The following PON3 variants were observed in gnomAD, a reference collection of about 807,000 sequenced individuals.
The protein encoded by PON3 is serum paraoxonase/lactonase 3.
In PON3, 37 loss-of-function variants were observed where a neutral mutation model predicts 36.3. The observed-to-expected ratio is 1.02, with a 90% confidence interval of 0.78 to 1.34. The LOEUF (loss-of-function observed/expected upper bound fraction) is 1.34. Among genes scored for constraint, PON3 ranks in the 40% most tolerant of loss-of-function variants. PON3 has a pLI of 0.00. For missense variants in PON3, 415 were observed against 426.5 expected, an observed-to-expected ratio of 0.97 and a Z score of 0.24; for synonymous variants, 155 against 154.8, an observed-to-expected ratio of 1.00 and a Z score of -0.01.
chr7:95,367,603 C>G, intron 4 of PON3, 115 bp from the exon 5 acceptor site: 1 of 1,062,160 alleles, frequency 9.4e-7, no homozygotes, highest in Non-Finnish European at 1.4e-6. Context: ...TTGCATTTTA[C>G]CCTCACAGTC....
intron 3 of PON3, among the ~76,000 whole-genome samples, chr7:95,378,041 A>T (rs144477427): frequency 6.6e-6 from 1 of 152,330 alleles, no homozygotes; most frequent in East Asian, 1.9e-4. Context: ...AACTAGAATA[A>T]GCAGTGTAGA....
At chr7:95,387,373 C>T (rs1366861799) in intron 3 of PON3, among the ~76,000 whole-genome samples, 1 of 152,148 alleles carries the variant, frequency 6.6e-6, no homozygotes, top group Non-Finnish European at 1.5e-5. Context: ...AGTGAACTCC[C>T]ATTCACAATT....
At chr7:95,383,995 C>A (rs975016533) in intron 3 of PON3, among the ~76,000 whole-genome samples, 2 of 152,072 alleles carry the variant, frequency 1.3e-5, no homozygotes, top group African/African-American at 4.8e-5. Flanking sequence ...GGTACTGGTA[C>A]CAAAACAGAT....
chr7:95,362,811 CTT>C lies in PON3; in HGVS notation c.724_725del (p.Lys242GlufsTer9). 1 of 1,611,920 alleles carries C rather than the reference CTT, an allele frequency of 6.2e-7. No individual in the cohort carries two copies. The highest frequency in any genetic ancestry group is 8.5e-7 in the Non-Finnish European group (1 of 1,178,226). The part of the protein sequence containing the change: ...KYVYVADVAA[K>X]NIHIMEKHDN... ...CATGTTTTTCCATTATGTGAATGTT[CTT>C]AGCTGCTACATCAGCTACATAGACA... On this transcript the variant is annotated frameshift_variant, in exon 7 of 9. Coordinates refer to ENST00000265627, the MANE Select transcript of PON3 (RefSeq NM_000940.3). LOFTEE classifies it high-confidence loss of function.
At chr7:95,388,902 A>C (rs1327395940) in intron 3 of PON3, among the ~76,000 whole-genome samples, 2 of 152,092 alleles carry the variant, frequency 1.3e-5, no homozygotes, top group Non-Finnish European at 2.9e-5. Context: ...GAACACATAA[A>C]CACAGGGCAG....
In PON3 at chr7:95,372,181, A is replaced by T; in HGVS notation, c.359T>A (p.Ile120Asn). Reference sequence around the variant, plus strand: ...AAACATACAGGTTTTACCTTTGTCGATGAAAATACTGATCCCATGTGGATT... The same window carrying T: ...AAACATACAGGTTTTACCTTTGTCGTTGAAAATACTGATCCCATGTGGATT... ...LFNPHGISIFIDKDNTVYLYV... is the reference protein window; with the variant it reads ...LFNPHGISIFNDKDNTVYLYV... Residue 120 changes from isoleucine to asparagine, a missense_variant, in exon 4 of 9, where the codon ATC becomes AAC. Physicochemically the swap from Ile to Asn is moderately radical, Grantham distance 149. Transcript: ENST00000265627. 1 of 1,613,512 alleles carries T rather than the reference A, an allele frequency of 6.2e-7. No homozygotes were observed. The highest frequency in any genetic ancestry group is 8.5e-7 in the Non-Finnish European group (1 of 1,179,522).
At chr7:95,394,612 G>A in intron 2 of PON3, 32 bp downstream of exon 2, 2 of 1,586,476 alleles carry the variant, frequency 1.3e-6, no homozygotes, top group Non-Finnish European at 1.7e-6. Context: ...AAGAAGCTGT[G>A]CTGGCTCCTC....
chr7:95,377,756 CA>C, intron 3 of PON3: 1 of 164,744 alleles, frequency 6.1e-6, no homozygotes, highest in South Asian at 1.2e-4. Flanking sequence ...ACATCTACAC[CA>C]AAACCCCATC....
At position 95,372,287 on chromosome 7, in the gene PON3, T is replaced by C. The variant is rs1808825059; in HGVS notation, c.253A>G (p.Ile85Val). ...TGTTCATTCAGATCCATCAAGAAGA[T>C]TTTTCCTGGTTCATCTGGCGCAAAG... is the stretch of plus-strand genomic sequence containing the variant. Reference protein sequence around the residue: ...PNFAPDEPGKIFLMDLNEQNP... With the variant: ...PNFAPDEPGKVFLMDLNEQNP... Residue 85 changes from isoleucine to valine, a missense_variant, in exon 4 of 9, where the codon ATC becomes GTC. By Grantham distance (29) the Ile-to-Val change is conservative (BLOSUM62 3). Coordinates refer to ENST00000265627, the MANE Select transcript of PON3 (RefSeq NM_000940.3). 5.6e-6 allele frequency: 9 copies of C among 1,613,814 alleles called. No individual in the cohort carries two copies. Among genetic ancestry groups the C allele is most frequent in the Non-Finnish European group, 6.8e-6 (8 of 1,179,894 alleles).
chr7:95,373,153 C>G (rs1360254793), intron 3 of PON3, among the ~76,000 whole-genome samples: 2 of 152,152 alleles, frequency 1.3e-5, no homozygotes, highest in African/African-American at 4.8e-5. Flanking sequence ...GGATATATAT[C>G]AATATCAATA....
chr7:95,375,154 T>C (rs1242228478), intron 3 of PON3, among the ~76,000 whole-genome samples: 1 of 151,970 alleles, frequency 6.6e-6, no homozygotes, highest in Non-Finnish European at 1.5e-5. Context: ...AATTCAATTT[T>C]CAGTCTACTC....
intron 2 of PON3, among the ~76,000 whole-genome samples, chr7:95,392,652 G>A (rs1044525871): frequency 6.6e-6 from 1 of 152,200 alleles, no homozygotes; most frequent in Non-Finnish European, 1.5e-5. Context: ...TTAGGGTTAT[G>A]AAATCATTTT....
At chr7:95,383,428 T>C (rs1163710354) in intron 3 of PON3, among the ~76,000 whole-genome samples, 1 of 152,210 alleles carries the variant, frequency 6.6e-6, no homozygotes, top group East Asian at 1.9e-4. Context: ...TGTTTGCAGA[T>C]GACATGATTG....
At chr7:95,373,199 A>G (rs1472730819) in intron 3 of PON3, among the ~76,000 whole-genome samples, 1 of 152,052 alleles carries the variant, frequency 6.6e-6, no homozygotes, top group Non-Finnish European at 1.5e-5. Context: ...ATCTTCTTTT[A>G]CAGTCTATTG....
chr7:95,386,281 A>T lies in PON3; in HGVS notation c.201+3873T>A, dbSNP rs531580218. 9.8e-5 allele frequency among the ~76,000 whole-genome samples: 15 copies of T among 152,324 alleles called. No individual in the cohort carries two copies. The East Asian group carries it at 2.9e-3, about 29-fold the overall frequency. ...GAGAGACGAATCAAATAGGTGCAAT[A>T]AAAAATGATAAAGGGGATATCACCA... is the stretch of plus-strand genomic sequence containing the variant. On this transcript the variant is annotated intron_variant, in intron 3 of 8. Coordinates refer to ENST00000265627, the MANE Select transcript of PON3 (RefSeq NM_000940.3).
chr7:95,385,267 T>G (rs200693346), intron 3 of PON3, among the ~76,000 whole-genome samples: 2 of 152,008 alleles, frequency 1.3e-5, no homozygotes. Flanking sequence ...ATGAGTTAAT[T>G]GGTGCAGCAC....
chr7:95,370,281 G>GA (rs1808780422), intron 4 of PON3, among the ~76,000 whole-genome samples: 1 of 152,210 alleles, frequency 6.6e-6, no homozygotes, highest in Non-Finnish European at 1.5e-5. Context: ...GGCCCATGCA[G>GA]AATCAGGGAA....
intron 2 of PON3, among the ~76,000 whole-genome samples, chr7:95,394,223 C>T (rs542561830): frequency 2.0e-5 from 3 of 151,368 alleles, no homozygotes; most frequent in East Asian, 2.0e-4. Context: ...AGGGGAGGGG[C>T]TGAGTCATAT....
At chr7:95,369,432 A>G (rs1294657923) in intron 4 of PON3, among the ~76,000 whole-genome samples, 1 of 152,208 alleles carries the variant, frequency 6.6e-6, no homozygotes, top group East Asian at 1.9e-4. Context: ...ATAGAGCAAG[A>G]GCAGGAGAGG....
Sources: gnomAD v4.1 joint callset for allele counts (sites outside exome capture counted in the v4.1 genomes callset) on GRCh38, gnomAD v4.1.1 for gene constraint, MANE v1.5 for transcripts, NCBI Gene and HGNC (gene_info 2026-07-23, HGNC 2026-07-21) for gene names.